Variants in FTCDNL1 observed in about 807,000 individuals in gnomAD.
The protein encoded by FTCDNL1 is formiminotransferase cyclodeaminase N-terminal like.
Under a neutral mutation model 5.9 loss-of-function variants are expected in FTCDNL1, and 11 were observed. That is an observed-to-expected ratio of 1.87 (90% CI 1.18 to 3.10). The LOEUF is 3.10. Among genes scored for constraint, FTCDNL1 ranks in the 30% most tolerant of loss-of-function variants. The pLI is 0.00. For missense variants in FTCDNL1, 115 were observed against 65.5 expected (o/e 1.76, Z -2.61); for synonymous variants, 58 against 24.8 (o/e 2.34, Z -3.99).
chr2:199,840,613 T>A (rs1336244618), intron 3 of FTCDNL1, among the ~76,000 whole-genome samples: 1 of 152,150 alleles, frequency 6.6e-6, no homozygotes, highest in Non-Finnish European at 1.5e-5. Flanking sequence ...GATATTTCGA[T>A]ATCTAGAGTT....
intron 3 of FTCDNL1, among the ~76,000 whole-genome samples, chr2:199,785,152 T>C (rs1699569237): frequency 6.6e-6 from 1 of 152,108 alleles, no homozygotes; most frequent in South Asian, 2.1e-4. Flanking sequence ...AGACATATTC[T>C]TGAGTGTTTT....
chr2:199,842,024 C>T (rs765580685), intron 3 of FTCDNL1, among the ~76,000 whole-genome samples: 1 of 151,904 alleles, frequency 6.6e-6, no homozygotes, highest in African/African-American at 2.4e-5. Context: ...TTTGGGAGGC[C>T]GAGGCCGGCA....
At chr2:199,826,488 CAAAAA>C (rs35457727) in intron 3 of FTCDNL1, among the ~76,000 whole-genome samples, 5 of 121,174 alleles carry the variant, frequency 4.1e-5, no homozygotes, top group Admixed American at 8.2e-5. Context: ...ATTTCTCAGT[CAAAAA>C]AAAAAAAAAA....
chr2:199,737,037 G>C, the FTCDNL1 span, among the ~76,000 whole-genome samples: 4 of 152,338 alleles, frequency 2.6e-5, no homozygotes, highest in Admixed American at 1.3e-4. Flanking sequence ...AGTGCCTGAA[G>C]TATCATGGAA....
chr2:199,674,050 G>A, the FTCDNL1 span, among the ~76,000 whole-genome samples: 5 of 152,104 alleles, frequency 3.3e-5, no homozygotes, highest in African/African-American at 1.2e-4. Context: ...ATTTTATATG[G>A]TGAAAGATAT....
At chr2:199,750,531 G>T in the FTCDNL1 span, among the ~76,000 whole-genome samples, 1 of 152,120 alleles carries the variant, frequency 6.6e-6, no homozygotes, top group Non-Finnish European at 1.5e-5. Flanking sequence ...ACACCTAACT[G>T]GTTCTGAGAA....
At chr2:199,842,104 C>T (rs1427400617) in intron 3 of FTCDNL1, among the ~76,000 whole-genome samples, 1 of 141,670 alleles carries the variant, frequency 7.1e-6, no homozygotes, top group African/African-American at 2.6e-5. Context: ...ACTAAAAATA[C>T]AAAAAAAAAA....
chr2:199,706,721 C>T, the FTCDNL1 span, among the ~76,000 whole-genome samples: 1 of 152,164 alleles, frequency 6.6e-6, no homozygotes, highest in Non-Finnish European at 1.5e-5. Context: ...AGTGAATGGA[C>T]AGCTGCACGA....
rs1456802380 is a variant in FTCDNL1 at position 199,810,959 on chromosome 2, T to C, written c.*1746A>G. 6.6e-6 allele frequency among the ~76,000 whole-genome samples: 1 copy of C among 152,186 alleles called. No individual in the cohort carries two copies. Among genetic ancestry groups the C allele is most frequent in the East Asian group, 1.9e-4 (1 of 5,196 alleles). On this transcript the variant is annotated 3_prime_UTR_variant, in exon 5 of 5. Transcript: ENST00000420128. ...ACGATGGTTTGGGGGCTTTGTTGCCTAGCCTGGCTACTCTCATACTAATAG... is the reference window on the plus strand; with the variant it reads ...ACGATGGTTTGGGGGCTTTGTTGCCCAGCCTGGCTACTCTCATACTAATAG...
At chr2:199,696,726 T>C in the FTCDNL1 span, among the ~76,000 whole-genome samples, 3 of 152,278 alleles carry the variant, frequency 2.0e-5, no homozygotes, top group Non-Finnish European at 2.9e-5. Context: ...GCAAAAACTC[T>C]GGCAACTCAA....
At chr2:199,840,216 T>C (rs1423145434) in intron 3 of FTCDNL1, among the ~76,000 whole-genome samples, 1 of 152,196 alleles carries the variant, frequency 6.6e-6, no homozygotes, top group Non-Finnish European at 1.5e-5. Context: ...GATGTAACTA[T>C]TGACAGAATT....
At chr2:199,748,055 G>A in the FTCDNL1 span, among the ~76,000 whole-genome samples, 2 of 152,012 alleles carry the variant, frequency 1.3e-5, no homozygotes, top group Non-Finnish European at 2.9e-5. Flanking sequence ...CTGCAAAAGA[G>A]AACGAAGTCA....
chr2:199,722,800 G>T, the FTCDNL1 span, among the ~76,000 whole-genome samples: 85 of 152,158 alleles, frequency 5.6e-4, no homozygotes, highest in African/African-American at 1.9e-3. Flanking sequence ...TGATTTCCTT[G>T]AGCAGTGTTT....
At chr2:199,740,048 G>A in the FTCDNL1 span, among the ~76,000 whole-genome samples, 1 of 152,132 alleles carries the variant, frequency 6.6e-6, no homozygotes, top group Non-Finnish European at 1.5e-5. Context: ...TTCGAGGGTG[G>A]AAAACAACCA....
At chr2:199,730,673 C>T in the FTCDNL1 span, among the ~76,000 whole-genome samples, 1 of 152,108 alleles carries the variant, frequency 6.6e-6, no homozygotes, top group African/African-American at 2.4e-5. Context: ...GAATGGCAAT[C>T]ATTAAAAAGT....
At chr2:199,720,284 C>G in the FTCDNL1 span, among the ~76,000 whole-genome samples, 1 of 152,116 alleles carries the variant, frequency 6.6e-6, no homozygotes, top group East Asian at 1.9e-4. Context: ...CCTATTGAAG[C>G]TGTTCTTTAG....
intron 3 of FTCDNL1, among the ~76,000 whole-genome samples, chr2:199,790,163 A>G (rs1410386958): frequency 6.6e-6 from 1 of 152,116 alleles, no homozygotes; most frequent in East Asian, 1.9e-4. Context: ...TCTGTATAGC[A>G]TAAGACACTT....
rs939977105 is a variant in FTCDNL1 at position 199,811,891 on chromosome 2, C to T, written c.*814G>A. On this transcript the variant is annotated 3_prime_UTR_variant, in exon 5 of 5. Coordinates refer to ENST00000420128, the MANE Select transcript of FTCDNL1 (RefSeq NM_001363886.2). Reference sequence around the variant, plus strand: ...CAAGAGTTCAATAAAGAACATGACACGTACACTGTTCAGTGTCCCAACAGC... The same window carrying T: ...CAAGAGTTCAATAAAGAACATGACATGTACACTGTTCAGTGTCCCAACAGC... 5.3e-5 allele frequency among the ~76,000 whole-genome samples: 8 copies of T among 152,210 alleles called. No homozygotes were observed. Among genetic ancestry groups the T allele is most frequent in the African/African-American group, 1.9e-4 (8 of 41,456 alleles).
At chr2:199,701,284 T>G in the FTCDNL1 span, among the ~76,000 whole-genome samples, 2 of 98,260 alleles carry the variant, frequency 2.0e-5, no homozygotes, top group Non-Finnish European at 3.9e-5. Flanking sequence ...TCAGAATGGC[T>G]GTTACTTGAA....
Sources: gnomAD v4.1 joint callset for allele counts (sites outside exome capture counted in the v4.1 genomes callset) on GRCh38, gnomAD v4.1.1 for gene constraint, MANE v1.5 for transcripts, NCBI Gene and HGNC (gene_info 2026-07-23, HGNC 2026-07-21) for gene names.